CCSER1: variants seen among roughly 807,000 people sequenced by gnomAD.
The protein encoded by CCSER1 is coiled-coil serine rich protein 1.
A neutral mutation model predicts 82.0 loss-of-function variants in CCSER1; 41 were observed. The ratio of observed to expected loss-of-function variants is 0.50; its 90% CI spans 0.39 to 0.65. The LOEUF (loss-of-function observed/expected upper bound fraction) is 0.65, where lower values mean the gene tolerates loss of function less well. Among genes scored for constraint, CCSER1 ranks in the 30% least tolerant of loss-of-function variants. The pLI is 0.00. For synonymous variants in CCSER1, 414 were observed against 383.9 expected (o/e 1.08, Z -0.92); for missense variants, 1,119 against 1,064.2 (o/e 1.05, Z -0.72).
chr4:90,308,222 T>C, intron 1 of CCSER1, 22 bp from the exon 2 acceptor site: 1 of 1,442,578 alleles, frequency 6.9e-7, no homozygotes. Context: ...TGACTTGTTG[T>C]TTTTGTTTTA....
At chr4:90,434,661 A>C (rs1411962229) in intron 4 of CCSER1, among the ~76,000 whole-genome samples, 2 of 152,186 alleles carry the variant, frequency 1.3e-5, no homozygotes. Context: ...TACAGCAAGC[A>C]GTTTGGTGTG....
chr4:91,599,009 C>T lies in CCSER1; in HGVS notation c.2655C>T (p.His885=). 1 of 1,551,368 alleles carries T rather than the reference C, an allele frequency of 6.4e-7. No homozygotes were observed. Among genetic ancestry groups the T allele is most frequent in the Non-Finnish European group, 8.7e-7 (1 of 1,146,780 alleles). ...GCAGGAAGAATGTGTTTCTCCACCA[C>T]AATTTACACAGCACTGAGCTGCAAA... The part of the protein sequence containing the change: ...MYSRKNVFLH[H]NLHSTELQTL... The change falls in exon 11 of 11, where the codon CAC becomes CAT. Residue 885 remains histidine (H), a synonymous_variant. Transcript: ENST00000509176.
intron 1 of CCSER1, among the ~76,000 whole-genome samples, chr4:90,283,655 T>G (rs995662482): frequency 1.4e-4 from 22 of 152,024 alleles, no homozygotes; most frequent in African/African-American, 5.1e-4. Context: ...CAATCCCTCT[T>G]TATCTCTGCC....
chr4:91,173,494 T>C (rs1732980057), intron 10 of CCSER1, among the ~76,000 whole-genome samples: 2 of 150,080 alleles, frequency 1.3e-5, no homozygotes, highest in African/African-American at 4.9e-5. Context: ...CTCAGGAGGC[T>C]GAGGCAGGAG....
intron 6 of CCSER1, among the ~76,000 whole-genome samples, chr4:90,712,654 A>G (rs1740851717): frequency 6.6e-6 from 1 of 151,418 alleles, no homozygotes; most frequent in Admixed American, 6.6e-5. Flanking sequence ...CGTCAGGTCC[A>G]CTTAATCCAG....
chr4:90,497,122 C>T (rs1769159209), intron 5 of CCSER1, among the ~76,000 whole-genome samples: 1 of 151,592 alleles, frequency 6.6e-6, no homozygotes, highest in South Asian at 2.1e-4. Flanking sequence ...ATCAAAGTAA[C>T]ATTACAAAGT....
intron 10 of CCSER1, among the ~76,000 whole-genome samples, chr4:91,189,669 T>A (rs1734842846): frequency 6.6e-6 from 1 of 152,126 alleles, no homozygotes; most frequent in South Asian, 2.1e-4. Context: ...TACTGTTTTG[T>A]TTTTCTTTTT....
intron 6 of CCSER1, among the ~76,000 whole-genome samples, chr4:90,698,123 G>T (rs1162094274): frequency 1.3e-5 from 2 of 152,100 alleles, no homozygotes; most frequent in Non-Finnish European, 2.9e-5. Context: ...AAGCTAGAAA[G>T]CTTTCATAGT....
chr4:90,442,259 G>A lies in CCSER1; in HGVS notation c.1604-25975G>A, dbSNP rs142643411. 1.6e-3 allele frequency among the ~76,000 whole-genome samples: 242 copies of A among 152,218 alleles called. 1 individual carries two copies. Among genetic ancestry groups the A allele is most frequent in the Non-Finnish European group, 2.6e-3 (177 of 68,020 alleles). On this transcript the variant is annotated intron_variant, in intron 4 of 10. Transcript: ENST00000509176. ...ATACAGGATCTCCCTCACTGTCACA[G>A]TCAGAGAAACCCCTGAGGAGGCCTG...
intron 1 of CCSER1, among the ~76,000 whole-genome samples, chr4:90,227,512 ACAT>A (rs1307888700): frequency 6.6e-6 from 1 of 152,232 alleles, no homozygotes; most frequent in East Asian, 1.9e-4. Context: ...TTAGTAAAAG[ACAT>A]CTATTTAAAT....
intron 5 of CCSER1, among the ~76,000 whole-genome samples, chr4:90,559,809 C>CAAAAAAAAAAAAAAA (rs1236087772): frequency 2.5e-5 from 1 of 39,764 alleles, no homozygotes; most frequent in African/African-American, 9.1e-5. Flanking sequence ...GACTCCGTCT[C>CAAAAAAAAAAAAAAA]AAAAAAAAAA....
chr4:90,140,657 C>CTTTTT (rs34194245), intron 1 of CCSER1, among the ~76,000 whole-genome samples: 2 of 63,602 alleles, frequency 3.1e-5, no homozygotes, highest in South Asian at 6.8e-4. Context: ...TTTTGGTCTA[C>CTTTTT]TTTTTTTTTT....
At chr4:90,539,616 C>T (rs1214179251) in intron 5 of CCSER1, among the ~76,000 whole-genome samples, 2 of 151,984 alleles carry the variant, frequency 1.3e-5, no homozygotes, top group African/African-American at 4.8e-5. Context: ...TTCTGAGCCC[C>T]ACACAGAGTC....
At chr4:91,080,967 C>A (rs2148800141) in intron 9 of CCSER1, among the ~76,000 whole-genome samples, 1 of 152,272 alleles carries the variant, frequency 6.6e-6, no homozygotes, top group African/African-American at 2.4e-5. Context: ...CAGCCAAATT[C>A]TACCCAGAGG....
intron 3 of CCSER1, among the ~76,000 whole-genome samples, chr4:90,339,910 A>G (rs1394325468): frequency 6.6e-6 from 1 of 151,812 alleles, no homozygotes; most frequent in Non-Finnish European, 1.5e-5. Context: ...TTTTATATAT[A>G]TATATATAAT....
intron 10 of CCSER1, among the ~76,000 whole-genome samples, chr4:91,187,822 G>T (rs969573398): frequency 1.3e-5 from 2 of 152,126 alleles, no homozygotes; most frequent in Admixed American, 6.5e-5. Flanking sequence ...CAAAGTGCTG[G>T]GATTACAGGC....
At chr4:90,571,235 ACC>A (rs936291650) in intron 5 of CCSER1, among the ~76,000 whole-genome samples, 10 of 152,308 alleles carry the variant, frequency 6.6e-5, no homozygotes, top group African/African-American at 2.4e-4. Flanking sequence ...CTGGGTATAT[ACC>A]CAAAGGAAAA....
chr4:91,046,937 CG>C (rs1037230735), intron 9 of CCSER1, among the ~76,000 whole-genome samples: 68 of 152,014 alleles, frequency 4.5e-4, no homozygotes, highest in African/African-American at 1.6e-3. Context: ...AAGATGGTCT[CG>C]ATCTCCTGAT....
intron 1 of CCSER1, among the ~76,000 whole-genome samples, chr4:90,165,218 T>A (rs1047578156): frequency 2.0e-5 from 3 of 152,104 alleles, no homozygotes; most frequent in Non-Finnish European, 2.9e-5. Flanking sequence ...CAATAGCTGG[T>A]GTTATGCCTG....
Sources: allele counts gnomAD v4.1 joint callset (sites outside exome capture counted in the v4.1 genomes callset), GRCh38; gene constraint gnomAD v4.1.1; transcripts MANE v1.5; gene names NCBI Gene and HGNC (gene_info 2026-07-23, HGNC 2026-07-21).